TMSB15B: variants seen among roughly 807,000 people sequenced by gnomAD.
The protein encoded by TMSB15B is thymosin beta 15B, also known as thymosin beta-15B.
At chrX:103,927,734 G>A (rs2074972690) in intron 1 of TMSB15B, among the ~76,000 whole-genome samples, 1 of 103,704 alleles carries the variant, frequency 9.6e-6, no homozygotes, top group Admixed American at 1.1e-4. Flanking sequence ...ACAGTTTTAT[G>A]TCGTGAAAGT....
At chrX:103,937,672 G>C (rs1297251009) in intron 1 of TMSB15B, among the ~76,000 whole-genome samples, 1 of 111,154 alleles carries the variant, frequency 9.0e-6, no homozygotes, top group Non-Finnish European at 1.9e-5. Flanking sequence ...ATCTCCTTCA[G>C]TTCTGCTCTG....
At chrX:103,921,327 C>G (rs1408763476) in intron 1 of TMSB15B, among the ~76,000 whole-genome samples, 2 of 111,807 alleles carry the variant, frequency 1.8e-5, no homozygotes, top group East Asian at 2.8e-4. Context: ...TGCTTCTGCT[C>G]CCCTGTCCCG....
intron 1 of TMSB15B, among the ~76,000 whole-genome samples, chrX:103,942,154 C>T (rs1196345943): frequency 9.0e-6 from 1 of 111,351 alleles, no homozygotes; most frequent in Non-Finnish European, 1.9e-5. Flanking sequence ...ATGGTAAGTG[C>T]TTTTTGTGTC....
intron 1 of TMSB15B, chrX:103,932,852 A>T (rs1246373268): frequency 8.9e-6 from 1 of 111,947 alleles, no homozygotes; most frequent in Non-Finnish European, 1.9e-5. Context: ...GGAGGTAATA[A>T]ATACCTACAT....
chrX:103,925,082 C>CT (rs782786311), intron 1 of TMSB15B, among the ~76,000 whole-genome samples: 121 of 111,809 alleles, frequency 1.1e-3, no homozygotes, highest in Non-Finnish European at 1.9e-3. Context: ...CCAGAAGCAT[C>CT]TTTTTTTTGG....
chrX:103,948,714 A>T (rs1483000662), intron 1 of TMSB15B, among the ~76,000 whole-genome samples: 2 of 112,585 alleles, frequency 1.8e-5, no homozygotes, highest in Admixed American at 1.9e-4. Flanking sequence ...TTACACACAG[A>T]TGTGATCTAA....
chrX:103,943,501 T>C (rs1556326181), intron 1 of TMSB15B, among the ~76,000 whole-genome samples: 1 of 112,354 alleles, frequency 8.9e-6, no homozygotes, highest in Non-Finnish European at 1.9e-5. Context: ...ACCCACAGCC[T>C]TAGTTCAGTC....
At chrX:103,927,107 C>A (rs1318696014) in intron 1 of TMSB15B, among the ~76,000 whole-genome samples, 1 of 111,324 alleles carries the variant, frequency 9.0e-6, no homozygotes, top group East Asian at 2.8e-4. Context: ...TGCTTCCTGG[C>A]CTTTCTGGGG....
At chrX:103,926,549 A>T (rs1247430734) in intron 1 of TMSB15B, among the ~76,000 whole-genome samples, 2 of 108,352 alleles carry the variant, frequency 1.8e-5, no homozygotes, top group Non-Finnish European at 3.8e-5. Context: ...GGGGATATGG[A>T]TGGAGCAGGG....
intron 1 of TMSB15B, among the ~76,000 whole-genome samples, chrX:103,929,597 G>A (rs1485979022): frequency 2.7e-5 from 3 of 111,960 alleles, no homozygotes; most frequent in Non-Finnish European, 5.6e-5. Flanking sequence ...AACTCGTCAG[G>A]TGCCACAAGA....
At chrX:103,921,221 A>T (rs2074951610) in intron 1 of TMSB15B, among the ~76,000 whole-genome samples, 1 of 111,617 alleles carries the variant, frequency 9.0e-6, no homozygotes, top group Admixed American at 9.5e-5. Context: ...GTGGTGGTGG[A>T]AGGTGGAAAG....
rs1271750474 is a variant in TMSB15B, at chrX:103,936,835, T to C, written c.-721+17543T>C. Among the ~76,000 whole-genome samples, 9 of 112,479 alleles carry C rather than the reference T, an allele frequency of 8.0e-5. No homozygotes were observed. In the East Asian group the frequency reaches 2.2e-3, roughly 28 times the overall value. ...AGATATGTTCCATCAATTCCTTGTT[T>C]ATTGAGTGTTTTTAGCATTAATGGG... On this transcript the variant is annotated intron_variant, in intron 1 of 3. Coordinates refer to the TMSB15B transcript ENST00000419165.
At chrX:103,925,087 T>C (rs782497974) in intron 1 of TMSB15B, among the ~76,000 whole-genome samples, 2 of 112,104 alleles carry the variant, frequency 1.8e-5, no homozygotes, top group African/African-American at 3.2e-5. Context: ...AGCATCTTTT[T>C]TTTGGATATC....
In TMSB15B at chrX:103,928,725, T is replaced by C. The variant is rs782688835; in HGVS notation, c.-721+9433T>C. On this transcript the variant is annotated intron_variant, in intron 1 of 3. Transcript: ENST00000419165. ...GCCTGGCAGAGCAAGGCCTGGCCCATTGGGTTCCTGCCTTGGTGTCTGGTA... is the reference window on the plus strand; with the variant it reads ...GCCTGGCAGAGCAAGGCCTGGCCCACTGGGTTCCTGCCTTGGTGTCTGGTA... 8.6e-5 allele frequency: 100 copies of C among 1,159,646 alleles called. No homozygotes were observed. The South Asian group carries it at 1.8e-3, about 21-fold the overall frequency.
chrX:103,941,920 T>C (rs781899080), intron 1 of TMSB15B, among the ~76,000 whole-genome samples: 2 of 110,980 alleles, frequency 1.8e-5, no homozygotes, highest in Non-Finnish European at 3.8e-5. Flanking sequence ...GTATTTCCTC[T>C]TTTGTGAAGC....
exon 1 of TMSB15B, chrX:103,919,272 A>G (rs1369299341): frequency 8.9e-6 from 1 of 112,663 alleles, no homozygotes; most frequent in Non-Finnish European, 1.9e-5. Context: ...CGCACGGACC[A>G]GGCCCATTTC....
At position 103,930,725 on chromosome X, in the gene TMSB15B, GATAATAATAATA is replaced by G. The variant is rs10681462; in HGVS notation, c.-721+11465_-721+11476del. 5.9e-3 allele frequency among the ~76,000 whole-genome samples: 550 copies of G among 93,039 alleles called. 3 individuals are homozygous for G. Among genetic ancestry groups the G allele is most frequent in the African/African-American group, 0.017 (439 of 25,454 alleles). The allele number at this position is 93,039 out of a possible 115,157, so 80.8% of individuals were successfully genotyped here. On this transcript the variant is annotated intron_variant, in intron 1 of 3. Coordinates refer to the TMSB15B transcript ENST00000419165. Reference sequence around the variant, plus strand: ...TTGTGCTAATGATAATGATGCTGTTGATAATAATAATAATAATAATAATAATAATAATAATAA... The same window carrying G: ...TTGTGCTAATGATAATGATGCTGTTGATAATAATAATAATAATAATAATAA...
At chrX:103,956,007 A>G (rs1170749534) in intron 1 of TMSB15B, among the ~76,000 whole-genome samples, 24 of 107,043 alleles carry the variant, frequency 2.2e-4, no homozygotes, top group Non-Finnish European at 3.3e-4. Context: ...TCTTAAAGAA[A>G]AGAAATTCCA....
intron 1 of TMSB15B, among the ~76,000 whole-genome samples, chrX:103,938,480 C>T (rs1411006041): frequency 9.0e-6 from 1 of 111,711 alleles, no homozygotes; most frequent in African/African-American, 3.3e-5. Flanking sequence ...AGGATTGCAA[C>T]CCCTGCTTAT....
Sources: gnomAD v4.1 joint callset for allele counts (sites outside exome capture counted in the v4.1 genomes callset) on GRCh38, gnomAD v4.1.1 for gene constraint, MANE v1.5 for transcripts, NCBI Gene and HGNC (gene_info 2026-07-23, HGNC 2026-07-21) for gene names.